The following NFIB variants were observed in gnomAD, a reference collection of about 807,000 sequenced individuals.
The protein encoded by NFIB is nuclear factor I B.
A neutral mutation model predicts 61.5 loss-of-function variants in NFIB; 11 were observed. That is an observed-to-expected ratio of 0.18 (90% CI 0.11 to 0.30). The LOEUF is 0.30. NFIB is among the 10% of genes least tolerant of loss of function. The pLI is 1.00. For synonymous variants in NFIB, 260 were observed against 216.5 expected, an observed-to-expected ratio of 1.20 and a Z score of -1.76; for missense variants, 471 against 608.9, an observed-to-expected ratio of 0.77 and a Z score of 2.38.
At chr9:14,174,639 C>G (rs763856392) in intron 3 of NFIB, among the ~76,000 whole-genome samples, 32 of 151,582 alleles carry the variant, frequency 2.1e-4, no homozygotes, top group Non-Finnish European at 4.1e-4. Flanking sequence ...CGGTAGCAGG[C>G]GCCTGTAATC....
intron 1 of NFIB, among the ~76,000 whole-genome samples, chr9:14,325,979 C>G (rs574613067): frequency 1.6e-4 from 24 of 151,654 alleles, no homozygotes; most frequent in Non-Finnish European, 3.1e-4. Flanking sequence ...TTTTTATTGC[C>G]TCAGGCAATA....
At chr9:14,295,128 A>G (rs892354711) in intron 2 of NFIB, among the ~76,000 whole-genome samples, 2 of 152,218 alleles carry the variant, frequency 1.3e-5, no homozygotes, top group Admixed American at 6.5e-5. Flanking sequence ...GAGCTCATTT[A>G]ATTATTTAAT....
chr9:14,355,667 G>T (rs186005355), intron 1 of NFIB, among the ~76,000 whole-genome samples: 29 of 152,302 alleles, frequency 1.9e-4, no homozygotes, highest in African/African-American at 7.0e-4. Context: ...TAAATACCCT[G>T]CTTGCCTGGC....
chr9:14,486,300 C>G, the NFIB span, among the ~76,000 whole-genome samples: 1 of 152,082 alleles, frequency 6.6e-6, no homozygotes, highest in Non-Finnish European at 1.5e-5. Flanking sequence ...GAGTAGCCAT[C>G]TTTTGAAACA....
chr9:14,293,595 G>A (rs930974967), intron 2 of NFIB, among the ~76,000 whole-genome samples: 1 of 152,178 alleles, frequency 6.6e-6, no homozygotes, highest in Non-Finnish European at 1.5e-5. Flanking sequence ...CTGAACATAA[G>A]TGCGGAGTCT....
At chr9:14,126,170 G>C (rs1052617118) in intron 6 of NFIB, among the ~76,000 whole-genome samples, 1 of 152,076 alleles carries the variant, frequency 6.6e-6, no homozygotes, top group South Asian at 2.1e-4. Flanking sequence ...CAACCTTCAG[G>C]TATGTTGGTC....
chr9:14,143,060 A>G (rs966326542), intron 6 of NFIB, among the ~76,000 whole-genome samples: 2 of 152,130 alleles, frequency 1.3e-5, no homozygotes, highest in Admixed American at 1.3e-4. Flanking sequence ...AGCAAATTAT[A>G]TAGCCCCCTA....
At chr9:14,261,904 A>C (rs142022389) in intron 2 of NFIB, among the ~76,000 whole-genome samples, 26 of 152,176 alleles carry the variant, frequency 1.7e-4, no homozygotes, top group Admixed American at 1.6e-3. Flanking sequence ...GAGGCAGATA[A>C]GGGAACTTCA....
the NFIB span, among the ~76,000 whole-genome samples, chr9:14,512,119 C>T: frequency 6.6e-6 from 1 of 152,052 alleles, no homozygotes; most frequent in African/African-American, 2.4e-5. Context: ...AATTCCTTCG[C>T]GTTGTATTTT....
intron 2 of NFIB, among the ~76,000 whole-genome samples, chr9:14,247,728 A>G (rs2055093505): frequency 6.6e-6 from 1 of 152,202 alleles, no homozygotes; most frequent in Non-Finnish European, 1.5e-5. Context: ...ATACAGAAGT[A>G]CATGGCCCAC....
chr9:14,470,144 A>G, the NFIB span, among the ~76,000 whole-genome samples: 1 of 152,176 alleles, frequency 6.6e-6, no homozygotes, highest in Non-Finnish European at 1.5e-5. Context: ...ATGGGTTGTC[A>G]TGAGGACTAA....
At chr9:14,376,051 T>C (rs992917290) in intron 1 of NFIB, among the ~76,000 whole-genome samples, 4 of 152,222 alleles carry the variant, frequency 2.6e-5, no homozygotes, top group Non-Finnish European at 5.9e-5. Flanking sequence ...GTTTAAGCTA[T>C]GGAACTTTTT....
rs184167804 is a variant in NFIB, at chr9:14,372,444, T to C, written c.108+26080A>G. ...TCGAAATAATAAATCACCAATAAAT[T>C]ATCTCTGTTTTCTTATCAAGCTTTT... is the stretch of plus-strand genomic sequence containing the variant. On this transcript the variant is annotated intron_variant, in intron 1 of 8. Transcript: ENST00000380934. Among the ~76,000 whole-genome samples the C allele has an allele frequency of 4.3e-4, 65 of 152,344 alleles. 1 individual carries two copies. The highest frequency in any genetic ancestry group is 6.8e-3 in the Middle Eastern group (2 of 294).
At chr9:14,373,693 GTAGA>G (rs2061385406) in intron 1 of NFIB, among the ~76,000 whole-genome samples, 1 of 150,344 alleles carries the variant, frequency 6.7e-6, no homozygotes, top group Non-Finnish European at 1.5e-5. Flanking sequence ...TTAGAAACAG[GTAGA>G]TAAAGAAAAT....
rs1039592568 is a variant in NFIB, at chr9:14,123,201, G to C, written c.1060+2431C>G. Among the ~76,000 whole-genome samples the C allele has an allele frequency of 2.7e-4, 40 of 149,362 alleles. 1 individual carries two copies. The highest frequency in any genetic ancestry group is 5.9e-5 in the Non-Finnish European group (4 of 67,724). The stretch of plus-strand genomic sequence containing the variant: ...GAACCTGGGAGGCAGAGGTTGCAGC[G>C]AGCCAAGATCACGCCACTACACTCC... On this transcript the variant is annotated intron_variant, in intron 7 of 10. Transcript: ENST00000380953.
intron 6 of NFIB, among the ~76,000 whole-genome samples, chr9:14,145,017 G>T (rs990504557): frequency 2.0e-5 from 3 of 152,010 alleles, no homozygotes; most frequent in African/African-American, 7.3e-5. Flanking sequence ...CTGAAGTAGG[G>T]GAATAAAATG....
intron 1 of NFIB, among the ~76,000 whole-genome samples, chr9:14,384,757 C>G (rs952256183): frequency 6.6e-5 from 10 of 152,172 alleles, no homozygotes; most frequent in African/African-American, 2.4e-4. Flanking sequence ...GGCCTGGTAT[C>G]AAACCCTCTC....
chr9:14,454,001 C>T, the NFIB span, among the ~76,000 whole-genome samples: 2 of 151,980 alleles, frequency 1.3e-5, no homozygotes, highest in South Asian at 4.2e-4. Flanking sequence ...TCGCTTGAAC[C>T]CGGGAGGCAA....
chr9:14,443,485 G>A, the NFIB span, among the ~76,000 whole-genome samples: 1 of 152,100 alleles, frequency 6.6e-6, no homozygotes, highest in Non-Finnish European at 1.5e-5. Flanking sequence ...CTCAGGTAAA[G>A]GCACTGCCAT....
Sources: allele counts gnomAD v4.1 joint callset (sites outside exome capture counted in the v4.1 genomes callset), GRCh38; gene constraint gnomAD v4.1.1; transcripts MANE v1.5; gene names NCBI Gene and HGNC (gene_info 2026-07-23, HGNC 2026-07-21).